The following RAB18 variants were observed in gnomAD, a reference collection of about 807,000 sequenced individuals.
The protein encoded by RAB18 is RAB18, member RAS oncogene family.
Under a neutral mutation model 28.5 loss-of-function variants are expected in RAB18, and 10 were observed. The observed-to-expected ratio is 0.35, with a 90% confidence interval of 0.22 to 0.60. RAB18 has a LOEUF of 0.60. Ranked by LOEUF, RAB18 falls within the 20% of genes least tolerant of loss-of-function variation. The probability of loss-of-function intolerance (pLI) is 0.78; values close to 1 mark genes in which losing one functional copy is unlikely to be tolerated. For synonymous variants in RAB18, 93 were observed against 86.9 expected (o/e 1.07, Z -0.39); for missense variants, 188 against 244.2 (o/e 0.77, Z 1.53).
intron 2 of RAB18, among the ~76,000 whole-genome samples, chr10:27,518,640 T>G (rs759677733): frequency 6.6e-6 from 1 of 151,998 alleles, no homozygotes; most frequent in South Asian, 2.1e-4. Context: ...GCTTTGAGAG[T>G]TTTTAAAATA....
chr10:27,522,712 C>A (rs1437044994), intron 2 of RAB18, among the ~76,000 whole-genome samples: 1 of 151,816 alleles, frequency 6.6e-6, no homozygotes, highest in Non-Finnish European at 1.5e-5. Flanking sequence ...TATATATTTT[C>A]TTTGTGATCT....
intron 2 of RAB18, chr10:27,513,905 C>CA (rs1174724810): frequency 1.3e-5 from 2 of 152,100 alleles, no homozygotes; most frequent in East Asian, 3.9e-4. Flanking sequence ...TGAAGCCAAA[C>CA]AAGGAGTCAC....
intron 2 of RAB18, 115 bp from the exon 3 acceptor site, chr10:27,526,713 G>A (rs1490975057): frequency 2.3e-5 from 28 of 1,200,164 alleles, no homozygotes; most frequent in Non-Finnish European, 3.3e-5. Flanking sequence ...CTAAGAAGTT[G>A]GGGTGTGAAT....
chr10:27,524,965 T>A (rs2642272), intron 2 of RAB18, among the ~76,000 whole-genome samples: 3 of 152,194 alleles, frequency 2.0e-5, no homozygotes, highest in African/African-American at 7.2e-5. Context: ...GACGACAGTG[T>A]TCAGTGTCTC....
chr10:27,531,769 G>C (rs1033606263), intron 3 of RAB18, among the ~76,000 whole-genome samples: 4 of 151,750 alleles, frequency 2.6e-5, no homozygotes, highest in Admixed American at 6.6e-5. Context: ...GGAAGTAAAG[G>C]CTTGTTAAAT....
In RAB18 at chr10:27,540,788, G is replaced by T. The variant is rs1422071127; in HGVS notation, c.*2737G>T. The T allele has an allele frequency of 6.6e-6, 3 of 454,010 alleles. No individual in the cohort carries two copies. The highest frequency in any genetic ancestry group is 3.1e-5 in the South Asian group (2 of 64,468). The allele number at this position is 454,010 out of a possible 1,614,324, so 28.1% of individuals were successfully genotyped here. ...ATTGCCATCCATAAACTCATACTTGGTGTTGACATTCTAGCTGAGTGTTGT... is the reference window on the plus strand; with the variant it reads ...ATTGCCATCCATAAACTCATACTTGTTGTTGACATTCTAGCTGAGTGTTGT... On this transcript the variant is annotated 3_prime_UTR_variant, in exon 7 of 7. Coordinates refer to ENST00000356940, the MANE Select transcript of RAB18 (RefSeq NM_021252.5).
chr10:27,504,348 C>G lies in RAB18; in HGVS notation c.-22C>G, dbSNP rs549858585. 1 of 1,568,138 alleles carries G rather than the reference C, an allele frequency of 6.4e-7. No homozygotes were observed. The highest frequency in any genetic ancestry group is 2.3e-5 in the East Asian group (1 of 43,174). On this transcript the variant is annotated 5_prime_UTR_variant, in exon 1 of 7. Coordinates refer to ENST00000356940, the MANE Select transcript of RAB18 (RefSeq NM_021252.5). ...AGGCGCACCCGGGCGGCCAGCTGGG[C>G]TCGGAGCGGAACGGGGTCAGGATGG...
intron 2 of RAB18, among the ~76,000 whole-genome samples, chr10:27,515,692 C>T (rs1282281373): frequency 6.6e-6 from 1 of 151,860 alleles, no homozygotes; most frequent in Admixed American, 6.6e-5. Flanking sequence ...TGTGATCGTA[C>T]CACTGTATTC....
At chr10:27,535,964 T>A (rs1834887346) in intron 6 of RAB18, among the ~76,000 whole-genome samples, 1 of 152,022 alleles carries the variant, frequency 6.6e-6, no homozygotes, top group Non-Finnish European at 1.5e-5. Flanking sequence ...GTGCCTGTAG[T>A]CCCAGCTACT....
chr10:27,504,764 G>T (rs374028632), intron 1 of RAB18: 62 of 586,376 alleles, frequency 1.1e-4, no homozygotes, highest in African/African-American at 1.0e-3. Context: ...GGCTGGTTTG[G>T]GCCCGAATCC....
intron 2 of RAB18, among the ~76,000 whole-genome samples, chr10:27,517,892 A>T (rs1834469849): frequency 6.6e-6 from 1 of 151,018 alleles, no homozygotes; most frequent in Non-Finnish European, 1.5e-5. Flanking sequence ...GCAGCCACTT[A>T]CCTGGTCTCT....
intron 1 of RAB18, among the ~76,000 whole-genome samples, chr10:27,505,736 T>A (rs554222732): frequency 4.6e-4 from 70 of 152,232 alleles, no homozygotes; most frequent in African/African-American, 1.6e-3. Flanking sequence ...ACTTTTGTAC[T>A]GTTAGTAGAG....
rs1245827217 is a variant in RAB18 at position 27,538,954 on chromosome 10, G to A, written c.*903G>A. On this transcript the variant is annotated 3_prime_UTR_variant, in exon 7 of 7. Transcript: ENST00000356940. ...TCTGTATCTTACGGCTTCCATAATG[G>A]CTAGTTGATATTCAAAAACCTATTT... 2 of 448,652 alleles carry A rather than the reference G, an allele frequency of 4.5e-6. No homozygotes were observed. The highest frequency in any genetic ancestry group is 2.0e-5 in the African/African-American group (1 of 49,684). The allele number at this position is 448,652 out of a possible 1,614,324, so 27.8% of individuals were successfully genotyped here. A position where few individuals can be genotyped will look rare whatever the true frequency, so the allele number is the denominator to read the frequency against.
intron 2 of RAB18, among the ~76,000 whole-genome samples, chr10:27,510,982 T>A (rs943740956): frequency 6.6e-6 from 1 of 152,170 alleles, no homozygotes; most frequent in Admixed American, 6.5e-5. Flanking sequence ...GTATTCTTTT[T>A]TAAAAAAATG....
intron 1 of RAB18, among the ~76,000 whole-genome samples, chr10:27,509,585 A>G (rs935355897): frequency 3.9e-5 from 6 of 152,162 alleles, no homozygotes; most frequent in African/African-American, 1.4e-4. Flanking sequence ...CAGAACAGTT[A>G]AAAAACAACT....
intron 2 of RAB18, among the ~76,000 whole-genome samples, chr10:27,524,164 A>G (rs1834627118): frequency 1.3e-5 from 2 of 152,204 alleles, no homozygotes; most frequent in African/African-American, 4.8e-5. Context: ...TCCTGGCCTC[A>G]AGCGATCCTC....
chr10:27,510,695 A>T (rs555344983), intron 2 of RAB18, among the ~76,000 whole-genome samples: 1 of 152,324 alleles, frequency 6.6e-6, no homozygotes, highest in Non-Finnish European at 1.5e-5. Context: ...TACTAACTTC[A>T]TCTGTAAATT....
At chr10:27,530,292 T>C (rs1834760757) in intron 3 of RAB18, among the ~76,000 whole-genome samples, 1 of 152,012 alleles carries the variant, frequency 6.6e-6, no homozygotes, top group Admixed American at 6.6e-5. Context: ...TATGGAAAAA[T>C]AGCTGCTTCT....
chr10:27,531,733 G>A (rs11015851), intron 3 of RAB18: 2 of 549,926 alleles, frequency 3.6e-6, no homozygotes, highest in Non-Finnish European at 6.6e-6. Context: ...ATGGTAGAAA[G>A]ACAAGAGAGA....
Sources: allele counts gnomAD v4.1 joint callset (sites outside exome capture counted in the v4.1 genomes callset), GRCh38; gene constraint gnomAD v4.1.1; transcripts MANE v1.5; gene names NCBI Gene and HGNC (gene_info 2026-07-23, HGNC 2026-07-21).